The following VASH2 variants were observed in gnomAD, a reference collection of about 807,000 sequenced individuals.
The protein encoded by VASH2 is tubulinyl-Tyr carboxypeptidase 2.
VASH2 carries 28 observed loss-of-function variants against 37.2 expected under a neutral mutation model. The observed-to-expected ratio is 0.75, with a 90% confidence interval of 0.56 to 1.03. VASH2 has a LOEUF of 1.03. VASH2 is among the 50% of genes least tolerant of loss of function. VASH2 has a pLI of 0.00. For synonymous variants in VASH2, 188 were observed against 174.7 expected, an observed-to-expected ratio of 1.08 and a Z score of -0.60; for missense variants, 419 against 459.1, an observed-to-expected ratio of 0.91 and a Z score of 0.80.
At position 212,989,255 on chromosome 1, in the gene VASH2, T is replaced by TA. The variant is rs1381554609; in HGVS notation, c.*672dup. ...AGAACCATTTTCAGGATCTTGGAGTTACTTCCTTCTTAATCTTTCTTAAAG... is the reference window on the plus strand; with the variant it reads ...AGAACCATTTTCAGGATCTTGGAGTTAACTTCCTTCTTAATCTTTCTTAAAG... On this transcript the variant is annotated 3_prime_UTR_variant, in exon 8 of 8. Coordinates refer to ENST00000517399, the MANE Select transcript of VASH2 (RefSeq NM_001301056.2). 6.6e-6 allele frequency: 1 copy of TA among 152,458 alleles called. No homozygotes were observed. The highest frequency in any genetic ancestry group is 2.4e-5 in the African/African-American group (1 of 41,472). The allele number at this position is 152,458 out of a possible 1,614,324, so 9.4% of individuals were successfully genotyped here.
chr1:212,988,294 C>T lies in VASH2; in HGVS notation c.996-218C>T, dbSNP rs77989604. ...CACACCCTGAAAACTTTTCTGAACTCTACATTGAAAGTCTGTTAAAATGTT... is the reference window on the plus strand; with the variant it reads ...CACACCCTGAAAACTTTTCTGAACTTTACATTGAAAGTCTGTTAAAATGTT... On this transcript the variant is annotated intron_variant, in intron 7 of 7. Transcript: ENST00000517399. Among the ~76,000 whole-genome samples, 1,353 of 152,270 alleles carry T rather than the reference C, an allele frequency of 8.9e-3. 46 individuals are homozygous for T. The highest frequency in any genetic ancestry group is 0.073 in the East Asian group (377 of 5,186).
chr1:212,981,884 A>G (rs1324504904), intron 7 of VASH2, among the ~76,000 whole-genome samples: 1 of 152,180 alleles, frequency 6.6e-6, no homozygotes, highest in African/African-American at 2.4e-5. Context: ...TCTCCACTCC[A>G]TCACTTTCTG....
intron 5 of VASH2, chr1:212,968,050 A>G: frequency 3.5e-6 from 1 of 288,150 alleles, no homozygotes; most frequent in Non-Finnish European, 5.2e-6. Flanking sequence ...CTTGCATGAT[A>G]ATGCCACAAG....
chr1:212,985,849 C>G (rs1387442188), intron 7 of VASH2, among the ~76,000 whole-genome samples: 1 of 152,212 alleles, frequency 6.6e-6, no homozygotes, highest in African/African-American at 2.4e-5. Flanking sequence ...AACTGCCACA[C>G]CACACTTCCA....
At chr1:212,956,566 G>A (rs1666503299) in intron 2 of VASH2, among the ~76,000 whole-genome samples, 1 of 152,166 alleles carries the variant, frequency 6.6e-6, no homozygotes, top group Admixed American at 6.5e-5. Context: ...AATAGCATGA[G>A]GAGGGACCCC....
At chr1:212,957,609 A>G (rs1666535338) in intron 2 of VASH2, among the ~76,000 whole-genome samples, 1 of 148,694 alleles carries the variant, frequency 6.7e-6, no homozygotes, top group Admixed American at 6.7e-5. Flanking sequence ...AATAATACAC[A>G]GCTTACACTT....
At chr1:212,953,985 G>A (rs1240866111) in intron 2 of VASH2, among the ~76,000 whole-genome samples, 1 of 151,052 alleles carries the variant, frequency 6.6e-6, no homozygotes, top group South Asian at 2.1e-4. Context: ...CATGGCTCAC[G>A]GCAGCCTCAA....
intron 7 of VASH2, among the ~76,000 whole-genome samples, chr1:212,981,591 G>A (rs1214436234): frequency 1.3e-5 from 2 of 152,152 alleles, no homozygotes; most frequent in Admixed American, 6.6e-5. Flanking sequence ...CTTAACATCC[G>A]GGATTAAGAG....
rs1281255472 is a variant in VASH2 at position 212,951,675 on chromosome 1, G to C, written c.133G>C (p.Gly45Arg). 1 of 1,596,994 alleles carries C rather than the reference G, an allele frequency of 6.3e-7. No homozygotes were observed. The highest frequency in any genetic ancestry group is 1.3e-5 in the African/African-American group (1 of 74,800). ...SGGSEEEDKD[G>R]GVLFHVNKSG... ...GGGCTCAGAGGAGGAGGACAAAGAC[G>C]GCGGGGTGCTGTTCCACGTCAACAA... is the stretch of plus-strand genomic sequence containing the variant. The change falls in exon 2 of 8, where the codon GGC (glycine) becomes CGC (arginine). Residue 45 changes from glycine (G) to arginine (R), a missense_variant. This residue lies in a region of VASH2 where 158 missense variants were observed against 163.0 expected (regional missense o/e 0.97). Transcript: ENST00000517399. This position sits in a 1 kb window ranked among gnomAD's most constrained non-coding sequence, Gnocchi z 4.4.
At chr1:212,967,454 A>G (rs1666885655) in intron 5 of VASH2, 1 of 1,167,200 alleles carries the variant, frequency 8.6e-7, no homozygotes, top group Non-Finnish European at 1.1e-6. Context: ...AAAAGGAAAC[A>G]CTGCAAGACA....
intron 2 of VASH2, among the ~76,000 whole-genome samples, chr1:212,956,838 G>T (rs113962328): frequency 6.6e-6 from 1 of 152,046 alleles, no homozygotes; most frequent in Non-Finnish European, 1.5e-5. Flanking sequence ...TTGTCTTTTC[G>T]TGGCTCTTAA....
intron 3 of VASH2, among the ~76,000 whole-genome samples, chr1:212,961,565 T>G (rs78392903): frequency 0.026 from 4,019 of 152,210 alleles, 159 homozygotes; most frequent in African/African-American, 0.091. Flanking sequence ...TCCACTTCCT[T>G]TCTCTTGGGC....
At chr1:212,956,501 G>A (rs1666500443) in intron 2 of VASH2, among the ~76,000 whole-genome samples, 1 of 152,172 alleles carries the variant, frequency 6.6e-6, no homozygotes. Flanking sequence ...AAGGGCTACA[G>A]AAAGACAAAG....
chr1:212,951,656 A>G lies in VASH2; in HGVS notation c.114A>G (p.Ser38=). The change falls in exon 2 of 8, where the codon TCA becomes TCG. Residue 38 remains serine (S), a synonymous_variant. Transcript: ENST00000517399. The surrounding 1 kb of genome is among the most constrained non-coding windows in gnomAD (Gnocchi z 4.4). ...TGAGCCTCGCCACCAGCGGGGGCTC[A>G]GAGGAGGAGGACAAAGACGGCGGGG... ...RPVSLATSGG[S]EEEDKDGGVL... 2.5e-6 allele frequency: 4 copies of G among 1,590,044 alleles called. No individual in the cohort carries two copies. The highest frequency in any genetic ancestry group is 3.4e-6 in the Non-Finnish European group (4 of 1,169,226).
rs533806167 is a variant in VASH2, at chr1:212,951,981, G to T, written c.276+163G>T. 6.6e-6 allele frequency among the ~76,000 whole-genome samples: 1 copy of T among 152,280 alleles called. No homozygotes were observed. The highest frequency in any genetic ancestry group is 2.4e-5 in the African/African-American group (1 of 41,532). On this transcript the variant is annotated intron_variant, in intron 2 of 7. Coordinates refer to ENST00000517399, the MANE Select transcript of VASH2 (RefSeq NM_001301056.2). This position sits in a 1 kb window ranked among gnomAD's most constrained non-coding sequence, Gnocchi z 4.4. ...TTCCTGCCAGCCCTTTTCTAATTGAGATATTTAGATTGGAAGCCTAAGAAA... is the reference window on the plus strand; with the variant it reads ...TTCCTGCCAGCCCTTTTCTAATTGATATATTTAGATTGGAAGCCTAAGAAA...
chr1:212,982,078 TC>T (rs1217636963), intron 7 of VASH2, among the ~76,000 whole-genome samples: 1 of 152,188 alleles, frequency 6.6e-6, no homozygotes, highest in Admixed American at 6.5e-5. Context: ...CACCCTGTTC[TC>T]CCTAGCCTAC....
In VASH2 at chr1:212,961,228, G is replaced by T; in HGVS notation, c.339G>T (p.Ala113=). ...LSMTIPDWLQ[A]IQNYMKTLQY... is the part of the protein sequence containing the mutation. ...TGACGATCCCAGACTGGCTCCAGGCGATCCAGAATTACATGAAGACCCTAC... is the reference window on the plus strand; with the variant it reads ...TGACGATCCCAGACTGGCTCCAGGCTATCCAGAATTACATGAAGACCCTAC... The change falls in exon 3 of 8, where the codon GCG becomes GCT. Residue 113 remains alanine, a synonymous_variant. Coordinates refer to ENST00000517399, the MANE Select transcript of VASH2 (RefSeq NM_001301056.2). 1 of 1,614,188 alleles carries T rather than the reference G, an allele frequency of 6.2e-7. No individual in the cohort carries two copies.
chr1:212,972,639 T>C lies in VASH2; in HGVS notation c.557T>C (p.Phe186Ser). 6.2e-7 allele frequency: 1 copy of C among 1,614,102 alleles called. No homozygotes were observed. The highest frequency in any genetic ancestry group is 8.5e-7 in the Non-Finnish European group (1 of 1,180,010). ...TTCCCCATCAGCTTTAAAACCTACT[T>C]CTCAGGAAACTACTTTCACCACGTT... ...ERFPISFKTY[F>S]SGNYFHHVVL... Residue 186 changes from phenylalanine to serine, a missense_variant, in exon 6 of 8, where the codon TTC becomes TCC. This residue lies in a region of VASH2 where 84 missense variants were observed against 129.9 expected (regional missense o/e 0.65). Coordinates refer to ENST00000517399, the MANE Select transcript of VASH2 (RefSeq NM_001301056.2).
intron 3 of VASH2, among the ~76,000 whole-genome samples, chr1:212,964,867 A>G (rs1355582455): frequency 2.0e-5 from 3 of 150,696 alleles, no homozygotes; most frequent in Non-Finnish European, 4.4e-5. Context: ...CCATTCATGT[A>G]TTCCTCATTC....
Sources: allele counts gnomAD v4.1 joint callset (sites outside exome capture counted in the v4.1 genomes callset), GRCh38; gene constraint gnomAD v4.1.1; regional missense constraint gnomAD v4.1.1; non-coding constraint Gnocchi (gnomAD v3.1); transcripts MANE v1.5; gene names NCBI Gene and HGNC (gene_info 2026-07-23, HGNC 2026-07-21).